Variants in STK32B observed in about 807,000 individuals in gnomAD.
STK32B encodes serine/threonine-protein kinase 32B.
Under a neutral mutation model 52.6 loss-of-function variants are expected in STK32B, and 43 were observed. The ratio of observed to expected loss-of-function variants is 0.82; its 90% CI spans 0.64 to 1.05. The LOEUF is 1.05. STK32B is among the 50% of genes least tolerant of loss of function. The probability of loss-of-function intolerance (pLI) is 0.00; values close to 1 mark genes in which losing one functional copy is unlikely to be tolerated. For missense variants in STK32B, 621 were observed against 534.6 expected, an observed-to-expected ratio of 1.16 and a Z score of -1.59; for synonymous variants, 238 against 204.3, an observed-to-expected ratio of 1.17 and a Z score of -1.41.
chr4:5,226,226 A>G (rs1723862349), intron 3 of STK32B, among the ~76,000 whole-genome samples: 1 of 151,996 alleles, frequency 6.6e-6, no homozygotes, highest in Admixed American at 6.5e-5. Context: ...AAAAGTTGCT[A>G]TTTTTTTGCA....
intron 2 of STK32B, among the ~76,000 whole-genome samples, chr4:5,155,005 ACT>A (rs773631654): frequency 2.3e-4 from 35 of 151,896 alleles, no homozygotes; most frequent in Admixed American, 3.9e-4. Flanking sequence ...TGTTTTTCTG[ACT>A]CTGCTTTCTA....
At chr4:5,496,750 C>A (rs1286079240) in intron 11 of STK32B, among the ~76,000 whole-genome samples, 1 of 151,656 alleles carries the variant, frequency 6.6e-6, no homozygotes, top group African/African-American at 2.4e-5. Flanking sequence ...AAAATGTTGC[C>A]GTTCCTTTTC....
intron 1 of STK32B, among the ~76,000 whole-genome samples, chr4:5,056,314 A>G (rs529817564): frequency 7.7e-4 from 117 of 152,354 alleles, no homozygotes; most frequent in African/African-American, 2.6e-3. Context: ...CCTTCAATAC[A>G]GGGATCTTAT....
intron 1 of STK32B, among the ~76,000 whole-genome samples, chr4:5,055,867 ATT>A (rs951030658): frequency 3.3e-5 from 3 of 90,498 alleles, no homozygotes; most frequent in Non-Finnish European, 7.2e-5. Context: ...TCCTTGCTTT[ATT>A]TTTTTTTGTG....
intron 2 of STK32B, among the ~76,000 whole-genome samples, chr4:5,147,616 G>C (rs1157905450): frequency 1.3e-5 from 2 of 151,868 alleles, no homozygotes; most frequent in Non-Finnish European, 2.9e-5. Context: ...GTAGTTTTCT[G>C]TAAGTGTTTA....
chr4:5,480,497 T>A (rs549833550), intron 11 of STK32B, among the ~76,000 whole-genome samples: 1 of 152,334 alleles, frequency 6.6e-6, no homozygotes, highest in South Asian at 2.1e-4. Context: ...ATTTTCTGGT[T>A]AACAATTAGT....
Position 5,159,704 on chromosome 4 carries a change from TGA to T in STK32B, c.109-8594_109-8593del, listed in dbSNP as rs1240137519. On this transcript the variant is annotated intron_variant, in intron 2 of 11. Transcript: ENST00000282908. ...ATATATGAATATATATGAATATATA[TGA>T]ATATATATATGAATGTATATGAATA... 1.1e-4 allele frequency among the ~76,000 whole-genome samples: 12 copies of T among 106,928 alleles called. 2 individuals are homozygous for T. The highest frequency in any genetic ancestry group is 5.3e-4 in the East Asian group (2 of 3,804). 70.1% of individuals were successfully genotyped at this position (106,928 alleles called of 152,430 possible).
chr4:5,108,286 T>G (rs1227530412), intron 1 of STK32B, among the ~76,000 whole-genome samples: 2 of 152,226 alleles, frequency 1.3e-5, no homozygotes, highest in Non-Finnish European at 2.9e-5. Flanking sequence ...GCAATTTGGA[T>G]TGTTTCCAGT....
chr4:5,377,512 C>G (rs1277344012), intron 4 of STK32B, among the ~76,000 whole-genome samples: 1 of 152,162 alleles, frequency 6.6e-6, no homozygotes, highest in Non-Finnish European at 1.5e-5. Flanking sequence ...TATCAGTATC[C>G]TCAGTGGCAA....
intron 7 of STK32B, among the ~76,000 whole-genome samples, chr4:5,451,313 A>G (rs1560425147): frequency 6.6e-6 from 1 of 152,174 alleles, no homozygotes; most frequent in Non-Finnish European, 1.5e-5. Flanking sequence ...CAGGTAGAGA[A>G]GTGGAAGCTA....
At chr4:5,220,025 A>G (rs958755750) in intron 3 of STK32B, among the ~76,000 whole-genome samples, 5 of 152,224 alleles carry the variant, frequency 3.3e-5, no homozygotes, top group East Asian at 1.9e-4. Context: ...GGCTGTGGGC[A>G]CGTTCAATTT....
chr4:5,175,518 A>G (rs1268731280), intron 3 of STK32B, among the ~76,000 whole-genome samples: 4 of 152,118 alleles, frequency 2.6e-5, no homozygotes, highest in African/African-American at 7.2e-5. Flanking sequence ...TTTCCTTCTA[A>G]CAGTCAGGAC....
intron 3 of STK32B, among the ~76,000 whole-genome samples, chr4:5,242,480 C>G (rs1725106742): frequency 6.6e-6 from 1 of 152,046 alleles, no homozygotes; most frequent in South Asian, 2.1e-4. Flanking sequence ...GATATTAGCC[C>G]TTTGTCAGAT....
chr4:5,184,628 C>T (rs1720598908), intron 3 of STK32B, among the ~76,000 whole-genome samples: 1 of 141,968 alleles, frequency 7.0e-6, no homozygotes, highest in African/African-American at 2.6e-5. Flanking sequence ...GCAGAGGTTG[C>T]AGTGAGCTGA....
intron 1 of STK32B, among the ~76,000 whole-genome samples, chr4:5,124,925 T>C (rs936520380): frequency 2.0e-5 from 3 of 152,204 alleles, no homozygotes; most frequent in Admixed American, 6.5e-5. Flanking sequence ...GAGGATATTA[T>C]GCAAGTGGAC....
intron 4 of STK32B, among the ~76,000 whole-genome samples, chr4:5,362,167 G>A (rs1040450411): frequency 3.3e-5 from 5 of 152,160 alleles, no homozygotes; most frequent in African/African-American, 1.2e-4. Context: ...GGAACTCTCC[G>A]TGGTGCTGAA....
chr4:5,071,814 G>A (rs1711796864), intron 1 of STK32B, among the ~76,000 whole-genome samples: 2 of 152,118 alleles, frequency 1.3e-5, no homozygotes, highest in South Asian at 4.1e-4. Context: ...TTAAACTGTG[G>A]CTATAAATCT....
chr4:5,132,966 T>A (rs1715869181), intron 1 of STK32B, among the ~76,000 whole-genome samples: 2 of 152,040 alleles, frequency 1.3e-5, no homozygotes, highest in Non-Finnish European at 2.9e-5. Context: ...TCCTGGCTAA[T>A]TTTTGTATTT....
chr4:5,179,904 C>A lies in STK32B; in HGVS notation c.260+11454C>A, dbSNP rs147086532. On this transcript the variant is annotated intron_variant, in intron 3 of 11. Coordinates refer to ENST00000282908, the MANE Select transcript of STK32B (RefSeq NM_018401.3). Reference sequence around the variant, plus strand: ...GCCCTGGCGGGTCCCATTTCTCCTGCCAGCTGAACAGCCCCAGCAGAGGCT... The same window carrying A: ...GCCCTGGCGGGTCCCATTTCTCCTGACAGCTGAACAGCCCCAGCAGAGGCT... Among the ~76,000 whole-genome samples, 18 of 152,316 alleles carry A rather than the reference C, an allele frequency of 1.2e-4. No homozygotes were observed. The East Asian group carries it at 3.3e-3, about 28-fold the overall frequency.
Sources: gnomAD v4.1 joint callset for allele counts (sites outside exome capture counted in the v4.1 genomes callset) on GRCh38, gnomAD v4.1.1 for gene constraint, MANE v1.5 for transcripts, NCBI Gene and HGNC (gene_info 2026-07-23, HGNC 2026-07-21) for gene names.